NKAIN1: variants seen among roughly 807,000 people sequenced by gnomAD.
The protein encoded by NKAIN1 is sodium/potassium transporting ATPase interacting 1.
NKAIN1 carries 13 observed loss-of-function variants against 31.6 expected under a neutral mutation model. The observed-to-expected ratio is 0.41, with a 90% CI of 0.27 to 0.65. The LOEUF (loss-of-function observed/expected upper bound fraction) is 0.65, where lower values mean the gene tolerates loss of function less well. NKAIN1 is among the 30% of genes least tolerant of loss of function. The probability of loss-of-function intolerance (pLI) is 0.30; values close to 1 mark genes in which losing one functional copy is unlikely to be tolerated. For synonymous variants in NKAIN1, 104 were observed against 109.0 expected, an observed-to-expected ratio of 0.95 and a Z score of 0.28; for missense variants, 193 against 262.2, an observed-to-expected ratio of 0.74 and a Z score of 1.82.
intron 1 of NKAIN1, among the ~76,000 whole-genome samples, chr1:31,208,635 GA>G (rs61217134): frequency 0.35 from 16,920 of 47,790 alleles, 1,530 homozygotes; most frequent in Admixed American, 0.45. Context: ...ATAGTGGGGG[GA>G]GGGGGCCCTG....
chr1:31,214,645 A>C (rs1645496799), intron 1 of NKAIN1, among the ~76,000 whole-genome samples: 1 of 152,200 alleles, frequency 6.6e-6, no homozygotes, highest in African/African-American at 2.4e-5. Context: ...AAGGGTGCCA[A>C]GGACAAGAGC....
In NKAIN1 at chr1:31,208,111, G is replaced by A. The variant is rs866401984; in HGVS notation, c.55-19924C>T. On this transcript the variant is annotated intron_variant, in intron 1 of 6. Coordinates refer to ENST00000373736, the MANE Select transcript of NKAIN1 (RefSeq NM_024522.3). ...TCCCAATGGATCCGCTCATGCCACCGATGATGGCTGAGATGTGTTCTGTTC... is the reference window on the plus strand; with the variant it reads ...TCCCAATGGATCCGCTCATGCCACCAATGATGGCTGAGATGTGTTCTGTTC... Among the ~76,000 whole-genome samples, 8 of 152,114 alleles carry A rather than the reference G, an allele frequency of 5.3e-5. No homozygotes were observed. In the South Asian group the frequency reaches 1.0e-3, roughly 20 times the overall value.
intron 1 of NKAIN1, among the ~76,000 whole-genome samples, chr1:31,234,335 C>T (rs944278247): frequency 6.6e-6 from 1 of 152,156 alleles, no homozygotes; most frequent in Non-Finnish European, 1.5e-5. Context: ...CAGGCCCCTG[C>T]TGGAGCCCAT....
chr1:31,237,586 G>A (rs1301215635), intron 1 of NKAIN1, among the ~76,000 whole-genome samples: 1 of 151,036 alleles, frequency 6.6e-6, no homozygotes, highest in African/African-American at 2.4e-5. Flanking sequence ...TGTAACCTCC[G>A]CCTCCTGGGT....
intron 1 of NKAIN1, among the ~76,000 whole-genome samples, chr1:31,190,832 T>C (rs1645279190): frequency 6.6e-6 from 1 of 152,174 alleles, no homozygotes; most frequent in African/African-American, 2.4e-5. Flanking sequence ...CCTTCCACCC[T>C]GACTCTGCCT....
chr1:31,234,684 A>C (rs1645681920), intron 1 of NKAIN1, among the ~76,000 whole-genome samples: 1 of 130,576 alleles, frequency 7.7e-6, no homozygotes, highest in Admixed American at 7.5e-5. Context: ...GCAGTGATCT[A>C]TTATTGGGCA....
intron 1 of NKAIN1, among the ~76,000 whole-genome samples, chr1:31,228,498 G>T (rs1645624293): frequency 6.6e-6 from 1 of 152,152 alleles, no homozygotes; most frequent in Non-Finnish European, 1.5e-5. Flanking sequence ...ATCATTGTGT[G>T]CTGTTAGCAC....
rs575100507 is a variant in NKAIN1, at chr1:31,206,303, A to T, written c.55-18116T>A. Among the ~76,000 whole-genome samples, 1,023 of 144,858 alleles carry T rather than the reference A, an allele frequency of 7.1e-3. 6 individuals carry two copies. The highest frequency in any genetic ancestry group is 0.011 in the Non-Finnish European group (729 of 65,080). ...GGTTTAAATGAGAAATAAACATTTT[A>T]AAAAAGAAGCCAATAAAGCCCTATC... On this transcript the variant is annotated intron_variant, in intron 1 of 6. Coordinates refer to ENST00000373736, the MANE Select transcript of NKAIN1 (RefSeq NM_024522.3).
In NKAIN1 at chr1:31,239,581, C is replaced by G. The variant is rs1569601973; in HGVS notation, c.-34G>C. ...GGGCTGCGCGGGCCGCACGCCGCGG[C>G]GCCCTTCTTGCTCCGCGGCCGCCGC... On this transcript the variant is annotated 5_prime_UTR_variant, in exon 1 of 7. Transcript: ENST00000373736. The surrounding 1 kb of genome is among the most constrained non-coding windows in gnomAD (Gnocchi z 4.8). 4.2e-6 allele frequency: 5 copies of G among 1,190,674 alleles called. No homozygotes were observed. The East Asian group carries it at 1.7e-4, about 41-fold the overall frequency. 73.8% of individuals were successfully genotyped at this position (1,190,674 alleles called of 1,614,324 possible).
chr1:31,181,622 G>T lies in NKAIN1; in HGVS notation c.*81C>A. On this transcript the variant is annotated 3_prime_UTR_variant, in exon 7 of 7. Coordinates refer to ENST00000373736, the MANE Select transcript of NKAIN1 (RefSeq NM_024522.3). ...CAGTGAGCGCGCGGGCCACCAGGGG[G>T]ACACGCCTGCGCCTTGGCCCGAGCT... is the stretch of plus-strand genomic sequence containing the variant. 7 of 1,347,210 alleles carry T rather than the reference G, an allele frequency of 5.2e-6. No individual in the cohort carries two copies. Among genetic ancestry groups the T allele is most frequent in the South Asian group, 1.8e-5 (1 of 55,476 alleles). The allele number at this position is 1,347,210 out of a possible 1,614,324, so 83.5% of individuals were successfully genotyped here. A position where few individuals can be genotyped will look rare whatever the true frequency, so the allele number is the denominator to read the frequency against.
rs117544948 is a variant in NKAIN1, at chr1:31,188,971, C to T, written c.55-784G>A. Among the ~76,000 whole-genome samples the T allele has an allele frequency of 4.0e-3, 604 of 151,666 alleles. 37 individuals carry two copies. The East Asian group carries it at 0.097, about 24-fold the overall frequency. ...GAGGTTGCAGTGAGCCAAGATCATG[C>T]CACTGCACTCCAGCCTGGGCGACAG... On this transcript the variant is annotated intron_variant, in intron 1 of 6. Transcript: ENST00000373736.
intron 1 of NKAIN1, among the ~76,000 whole-genome samples, chr1:31,231,058 A>AT (rs1434616727): frequency 1.3e-5 from 2 of 151,456 alleles, no homozygotes; most frequent in Non-Finnish European, 2.9e-5. Flanking sequence ...AATTTTTTGT[A>AT]TTTTTAGTAC....
chr1:31,199,990 A>AAC (rs1200502145), intron 1 of NKAIN1, among the ~76,000 whole-genome samples: 12 of 147,924 alleles, frequency 8.1e-5, no homozygotes, highest in African/African-American at 2.7e-4. Flanking sequence ...CTGGTCCCCG[A>AAC]ACACACACAC....
intron 1 of NKAIN1, among the ~76,000 whole-genome samples, chr1:31,193,391 AT>A (rs1434470757): frequency 6.6e-6 from 1 of 151,584 alleles, no homozygotes; most frequent in Non-Finnish European, 1.5e-5. Context: ...TAAAGTTATT[AT>A]TTTTTATTAG....
At chr1:31,223,375 C>CAAAAA (rs746638007) in intron 1 of NKAIN1, among the ~76,000 whole-genome samples, 4 of 106,572 alleles carry the variant, frequency 3.8e-5, no homozygotes, top group Admixed American at 1.0e-4. Flanking sequence ...GACTCCATCT[C>CAAAAA]AAAAAAAAAA....
chr1:31,204,782 A>G (rs1645410586), intron 1 of NKAIN1, among the ~76,000 whole-genome samples: 1 of 152,216 alleles, frequency 6.6e-6, no homozygotes, highest in African/African-American at 2.4e-5. Context: ...ACTTAGGTAG[A>G]GAGAATTAAT....
intron 1 of NKAIN1, among the ~76,000 whole-genome samples, chr1:31,191,668 G>A (rs116426623): frequency 2.6e-5 from 4 of 152,254 alleles, no homozygotes; most frequent in Non-Finnish European, 2.9e-5. Flanking sequence ...GTTTGGCACC[G>A]AGGGCCCACT....
chr1:31,188,407 C>T, intron 1 of NKAIN1: 1 of 526,922 alleles, frequency 1.9e-6, no homozygotes. Context: ...GGGTTCAGAA[C>T]ACCTTCCTCC....
intron 1 of NKAIN1, among the ~76,000 whole-genome samples, chr1:31,190,727 C>A (rs1222520779): frequency 1.3e-5 from 2 of 152,152 alleles, no homozygotes; most frequent in Non-Finnish European, 2.9e-5. Flanking sequence ...CAGCTGCTGG[C>A]CTTGGGGGAG....
Sources: gnomAD v4.1 joint callset for allele counts (sites outside exome capture counted in the v4.1 genomes callset) on GRCh38, gnomAD v4.1.1 for gene constraint, Gnocchi (gnomAD v3.1) non-coding constraint, MANE v1.5 for transcripts, NCBI Gene and HGNC (gene_info 2026-07-23, HGNC 2026-07-21) for gene names.